Variants in STAC observed in about 807,000 individuals in gnomAD.
STAC encodes SH3 and cysteine-rich domain-containing protein.
In STAC, 43 loss-of-function variants were observed where a neutral mutation model predicts 48.8. The ratio of observed to expected loss-of-function variants is 0.88; its 90% CI spans 0.69 to 1.14. The LOEUF (loss-of-function observed/expected upper bound fraction) is 1.14. Ranked by LOEUF, STAC falls within the 50% of genes most tolerant of loss-of-function variation. STAC has a pLI of 0.00. For synonymous variants in STAC, 193 were observed against 179.5 expected (o/e 1.07, Z -0.60); for missense variants, 497 against 504.0 (o/e 0.99, Z 0.13).
In STAC at chr3:36,431,712, C is replaced by T. The variant is rs184545708; in HGVS notation, c.112-11652C>T. 7.9e-5 allele frequency among the ~76,000 whole-genome samples: 12 copies of T among 152,234 alleles called. No individual in the cohort carries two copies. In the East Asian group the frequency reaches 1.5e-3, roughly 20 times the overall value. On this transcript the variant is annotated intron_variant, in intron 1 of 10. Transcript: ENST00000273183. Reference sequence around the variant, plus strand: ...GAGAGAGGTTTATAAAGCACACTTCCGTCAGTAGTTCTCTTACTCAAAAAT... The same window carrying T: ...GAGAGAGGTTTATAAAGCACACTTCTGTCAGTAGTTCTCTTACTCAAAAAT...
chr3:36,504,269 G>A, intron 6 of STAC, 124 bp from the exon 7 acceptor site: 2 of 868,316 alleles, frequency 2.3e-6, no homozygotes, highest in East Asian at 2.7e-5. Flanking sequence ...AGAGGGTGAG[G>A]AAAAGGCAAT....
rs893110400 is a variant in STAC, at chr3:36,455,704, G to A, written c.388+12064G>A. On this transcript the variant is annotated intron_variant, in intron 2 of 10. Coordinates refer to ENST00000273183, the MANE Select transcript of STAC (RefSeq NM_003149.3). ...CATCATAAAATGACAGAACTGGGCCGGTAGTATAAAATAGGGCCGTCCTTT... is the reference window on the plus strand; with the variant it reads ...CATCATAAAATGACAGAACTGGGCCAGTAGTATAAAATAGGGCCGTCCTTT... Among the ~76,000 whole-genome samples, 8 of 152,164 alleles carry A rather than the reference G, an allele frequency of 5.3e-5. No individual in the cohort carries two copies. In the South Asian group the frequency reaches 6.2e-4, roughly 12 times the overall value.
chr3:36,444,669 G>A (rs77169739), intron 2 of STAC, among the ~76,000 whole-genome samples: 4,018 of 152,304 alleles, frequency 0.026, 196 homozygotes, highest in East Asian at 0.23. Context: ...CCCACCTGCC[G>A]TCTCTAGTAG....
At chr3:36,512,585 G>C (rs988806529) in intron 8 of STAC, among the ~76,000 whole-genome samples, 4 of 152,072 alleles carry the variant, frequency 2.6e-5, no homozygotes, top group Admixed American at 2.6e-4. Flanking sequence ...GGGATAATGA[G>C]GAATGATGTC....
chr3:36,468,406 T>C (rs1697234121), intron 2 of STAC, among the ~76,000 whole-genome samples: 1 of 151,990 alleles, frequency 6.6e-6, no homozygotes, highest in Non-Finnish European at 1.5e-5. Flanking sequence ...AAATATCTGT[T>C]AAGGCCATTT....
intron 1 of STAC, among the ~76,000 whole-genome samples, chr3:36,383,623 T>G (rs1443395097): frequency 6.6e-6 from 1 of 152,156 alleles, no homozygotes; most frequent in East Asian, 1.9e-4. Flanking sequence ...ATATTTCAGG[T>G]GTTTTAAGCT....
At chr3:36,474,013 T>C (rs966715974) in intron 2 of STAC, among the ~76,000 whole-genome samples, 1 of 152,206 alleles carries the variant, frequency 6.6e-6, no homozygotes, top group South Asian at 2.1e-4. Flanking sequence ...TTAGTGATAG[T>C]GTATGTAATC....
intron 8 of STAC, among the ~76,000 whole-genome samples, chr3:36,512,570 T>C (rs150001912): frequency 1.9e-3 from 286 of 152,202 alleles, no homozygotes; most frequent in African/African-American, 6.5e-3. Context: ...AAAAAGAATG[T>C]TACTGGGATA....
intron 1 of STAC, 73 bp downstream of exon 1, chr3:36,380,827 T>G: frequency 8.2e-7 from 1 of 1,223,210 alleles, no homozygotes; most frequent in Non-Finnish European, 1.2e-6. Context: ...TTGTCTCTCC[T>G]CCTATCTAGC....
At position 36,547,412 on chromosome 3, in the gene STAC, G is replaced by A. The variant is rs1370295279; in HGVS notation, c.*1123G>A. 6.6e-6 allele frequency: 1 copy of A among 152,620 alleles called. No individual in the cohort carries two copies. Among genetic ancestry groups the A allele is most frequent in the Non-Finnish European group, 1.5e-5 (1 of 68,038 alleles). 9.5% of individuals were successfully genotyped at this position (152,620 alleles called of 1,614,324 possible). ...CTTCCTTCAGAAAGTAGAGGAACTA[G>A]GGGCCCAATTAGCATCATCTAGGGG... On this transcript the variant is annotated 3_prime_UTR_variant, in exon 11 of 11. Coordinates refer to ENST00000273183, the MANE Select transcript of STAC (RefSeq NM_003149.3).
chr3:36,449,231 T>G (rs1391473039), intron 2 of STAC, among the ~76,000 whole-genome samples: 1 of 152,168 alleles, frequency 6.6e-6, no homozygotes, highest in Non-Finnish European at 1.5e-5. Context: ...ACAGCACACA[T>G]TAGCATTTTG....
At chr3:36,476,426 G>C (rs1473963846) in intron 2 of STAC, among the ~76,000 whole-genome samples, 1 of 152,124 alleles carries the variant, frequency 6.6e-6, no homozygotes, top group Non-Finnish European at 1.5e-5. Flanking sequence ...AAGAAAGGCA[G>C]GGAAGGCAGC....
rs74428995 is a variant in STAC, at chr3:36,493,054, T to C, written c.688-97T>C. On this transcript the variant is annotated intron_variant, in intron 5 of 10. Coordinates refer to ENST00000273183, the MANE Select transcript of STAC (RefSeq NM_003149.3). ...GCAATCACTGGGTCCTTATGTGTCATGCAAATTCTACCTAAGCTCTCTTAC... is the reference window on the plus strand; with the variant it reads ...GCAATCACTGGGTCCTTATGTGTCACGCAAATTCTACCTAAGCTCTCTTAC... 3.1e-3 allele frequency: 3,729 copies of C among 1,186,198 alleles called. 89 individuals are homozygous for C. The African/African-American group carries it at 0.049, about 16-fold the overall frequency. The allele number at this position is 1,186,198 out of a possible 1,614,324, so 73.5% of individuals were successfully genotyped here.
At chr3:36,462,460 A>G (rs1359349098) in intron 2 of STAC, among the ~76,000 whole-genome samples, 2 of 152,166 alleles carry the variant, frequency 1.3e-5, no homozygotes, top group African/African-American at 4.8e-5. Flanking sequence ...TAGTATTTAA[A>G]GGCATAAGAC....
At chr3:36,532,039 T>C (rs1037948171) in intron 10 of STAC, among the ~76,000 whole-genome samples, 2 of 152,182 alleles carry the variant, frequency 1.3e-5, no homozygotes, top group Non-Finnish European at 2.9e-5. Context: ...TCTAATAACA[T>C]AAAGGTACAC....
chr3:36,461,627 G>A (rs1022398437), intron 2 of STAC, among the ~76,000 whole-genome samples: 1 of 152,184 alleles, frequency 6.6e-6, no homozygotes, highest in African/African-American at 2.4e-5. Context: ...AAGTGCAGAG[G>A]CAGGGGGCAG....
intron 5 of STAC, among the ~76,000 whole-genome samples, chr3:36,490,590 A>G (rs79258285): frequency 0.018 from 2,665 of 152,286 alleles, 22 homozygotes; most frequent in Non-Finnish European, 0.021. Flanking sequence ...AGGCAATTGC[A>G]GAGAGACGGC....
chr3:36,408,217 C>T (rs567314887), intron 1 of STAC, among the ~76,000 whole-genome samples: 7 of 152,328 alleles, frequency 4.6e-5, no homozygotes, highest in Admixed American at 4.6e-4. Flanking sequence ...GTTACTATCC[C>T]ATCCTCTCCA....
At chr3:36,537,551 C>T (rs770678171) in intron 10 of STAC, among the ~76,000 whole-genome samples, 3 of 151,780 alleles carry the variant, frequency 2.0e-5, no homozygotes, top group African/African-American at 4.8e-5. Context: ...GGGGCAGGGG[C>T]GTGGTGGGGT....
Sources: gnomAD v4.1 joint callset for allele counts (sites outside exome capture counted in the v4.1 genomes callset) on GRCh38, gnomAD v4.1.1 for gene constraint, MANE v1.5 for transcripts, NCBI Gene and HGNC (gene_info 2026-07-23, HGNC 2026-07-21) for gene names.